The following CRAT variants were observed in gnomAD, a reference collection of about 807,000 sequenced individuals.
CRAT encodes carnitine O-acetyltransferase.
CRAT carries 66 observed loss-of-function variants against 73.7 expected under a neutral mutation model. The observed-to-expected ratio is 0.90, with a 90% confidence interval of 0.73 to 1.10. The LOEUF (loss-of-function observed/expected upper bound fraction) is 1.10. Ranked by LOEUF, CRAT falls within the 50% of genes least tolerant of loss-of-function variation. CRAT has a pLI of 0.00. For missense variants in CRAT, 745 were observed against 846.9 expected (o/e 0.88, Z 1.49); for synonymous variants, 321 against 343.2 (o/e 0.94, Z 0.71).
chr9:129,102,714 G>A (rs920632365), intron 4 of CRAT, 149 bp from the exon 5 acceptor site: 6 of 964,878 alleles, frequency 6.2e-6, no homozygotes, highest in Admixed American at 4.4e-5. Context: ...GGGCTGTGCT[G>A]TGGGCAGGGG....
intron 2 of CRAT, 114 bp from the exon 3 acceptor site, chr9:129,104,420 C>A (rs889745564): frequency 1.2e-5 from 9 of 750,720 alleles, no homozygotes; most frequent in South Asian, 1.8e-5. Flanking sequence ...TATGGAGATT[C>A]TCAAAGTAAA....
In CRAT at chr9:129,103,403, C is replaced by T. The variant is rs1252497490; in HGVS notation, c.411-337G>A. ...CCCACAAAGGGCCTGAGCTCCTGAA[C>T]CTCAGCCTAGAATCTGGAGGGGGTG... On this transcript the variant is annotated intron_variant, in intron 3 of 13. Transcript: ENST00000318080. This position sits in a 1 kb window ranked among gnomAD's most constrained non-coding sequence, Gnocchi z 4.6. Among the ~76,000 whole-genome samples the T allele has an allele frequency of 6.6e-6, 1 of 151,402 alleles. No individual in the cohort carries two copies. The highest frequency in any genetic ancestry group is 6.6e-5 in the Admixed American group (1 of 15,230).
intron 6 of CRAT, among the ~76,000 whole-genome samples, chr9:129,100,953 A>G (rs1213890226): frequency 6.6e-6 from 1 of 152,148 alleles, no homozygotes; most frequent in Non-Finnish European, 1.5e-5. Context: ...TAGACACAGG[A>G]AACCGAAGCC....
At chr9:129,109,153 A>T in intron 1 of CRAT, 1 of 1,304,068 alleles carries the variant, frequency 7.7e-7, no homozygotes, top group Non-Finnish European at 1.0e-6. Flanking sequence ...CCAGGGAGTC[A>T]GGACAAAAGG....
intron 12 of CRAT, 52 bp downstream of exon 12, chr9:129,097,198 C>T (rs1368746759): frequency 1.6e-5 from 24 of 1,462,950 alleles, no homozygotes; most frequent in Non-Finnish European, 2.1e-5. Flanking sequence ...GAGGGACAGA[C>T]AGATGGCTGA....
chr9:129,098,900 G>A (rs1410523959), intron 8 of CRAT, among the ~76,000 whole-genome samples: 7 of 149,664 alleles, frequency 4.7e-5, no homozygotes, highest in Non-Finnish European at 8.9e-5. Flanking sequence ...TGCAACCTTG[G>A]CCTCCCTGGT....
Position 129,107,976 on chromosome 9 carries a change from G to A in CRAT, c.129C>T (p.Leu43=), listed in dbSNP as rs759455832. ...DALPRLPVPP[L]QQSLDHYLKA... is the part of the protein sequence containing the mutation. ...TCAGGTAGTGGTCCAGGGACTGCTG[G>A]AGAGGGGGCACGGGCAGCCGTGGCA... The change falls in exon 2 of 14, where the codon CTC becomes CTT. Residue 43 remains leucine, a synonymous_variant. Transcript: ENST00000318080. This position sits in a 1 kb window ranked among gnomAD's most constrained non-coding sequence, Gnocchi z 5.0. 4 of 1,603,916 alleles carry A rather than the reference G, an allele frequency of 2.5e-6. No individual in the cohort carries two copies. The highest frequency in any genetic ancestry group is 1.7e-5 in the Admixed American group (1 of 59,848).
Position 129,098,362 on chromosome 9 carries a change from C to T in CRAT, c.1215G>A (p.Gln405=). 6.2e-7 allele frequency: 1 copy of T among 1,613,786 alleles called. No individual in the cohort carries two copies. Among genetic ancestry groups the T allele is most frequent in the Non-Finnish European group, 8.5e-7 (1 of 1,180,000 alleles). ...KAKQNLSIMI[Q]DLDITVMVFH... ...ACACCATCACGGTGATATCCAGGTC[C>T]TGGATCATGCTGGGGGTGTGGGAAG... The change falls in exon 10 of 14, where the codon CAG becomes CAA. Residue 405 remains glutamine, a synonymous_variant. Transcript: ENST00000318080.
chr9:129,101,873 C>G lies in CRAT; in HGVS notation c.805+10G>C, dbSNP rs777901756. ...GGGTGTGCAGCCCCAGCACGGCCCCCAAGAGGCACCTTTGATGAGGGTGTT... is the reference window on the plus strand; with the variant it reads ...GGGTGTGCAGCCCCAGCACGGCCCCGAAGAGGCACCTTTGATGAGGGTGTT... On this transcript the variant is annotated intron_variant, in intron 6 of 13. Coordinates refer to ENST00000318080, the MANE Select transcript of CRAT (RefSeq NM_000755.5). 6.2e-7 allele frequency: 1 copy of G among 1,612,824 alleles called. No homozygotes were observed. Among genetic ancestry groups the G allele is most frequent in the Non-Finnish European group, 8.5e-7 (1 of 1,179,462 alleles).
intron 1 of CRAT, chr9:129,109,379 C>T: frequency 1.1e-6 from 1 of 914,944 alleles, no homozygotes; most frequent in East Asian, 6.2e-5. Context: ...TCCAGGACTC[C>T]TGGGACCCAT....
rs1234089275 is a variant in CRAT, at chr9:129,096,023, A to G, written c.1640T>C (p.Met547Thr). 1.2e-6 allele frequency: 2 copies of G among 1,614,018 alleles called. No homozygotes were observed. The highest frequency in any genetic ancestry group is 1.1e-5 in the South Asian group (1 of 91,088). Residue 547 changes from methionine to threonine, a missense_variant, in exon 13 of 14, where the codon ATG (methionine) becomes ACG (threonine). Physicochemically the swap from Met to Thr is moderately conservative, Grantham distance 81. Transcript: ENST00000318080. ...IFMDTSYAIA[M>T]HFHLSTSQVP... ...CTGGCTGGTGGAGAGGTGGAAGTGCATGGCGATGGCGTAGGAGGTGTCCAT... is the reference window on the plus strand; with the variant it reads ...CTGGCTGGTGGAGAGGTGGAAGTGCGTGGCGATGGCGTAGGAGGTGTCCAT...
At chr9:129,102,634 G>GACCA in intron 4 of CRAT, 69 bp from the exon 5 acceptor site, 10 of 1,536,228 alleles carry the variant, frequency 6.5e-6, no homozygotes, top group Non-Finnish European at 9.0e-6. Flanking sequence ...GGTAGACAGG[G>GACCA]ACCTGCTAGG....
At chr9:129,095,923 G>T (rs1847252331) in intron 13 of CRAT, 75 bp downstream of exon 13, 5 of 1,585,872 alleles carry the variant, frequency 3.2e-6, no homozygotes, top group African/African-American at 1.3e-5. Context: ...GGTCAGTGGG[G>T]CCTGTGTAGG....
chr9:129,102,684 C>T (rs977139930), intron 4 of CRAT, 119 bp from the exon 5 acceptor site: 9 of 1,171,312 alleles, frequency 7.7e-6, no homozygotes, highest in Non-Finnish European at 1.1e-5. Context: ...CTCCCACTCC[C>T]AGATGAGCAG....
At chr9:129,096,299 A>G in intron 12 of CRAT, 164 bp from the exon 13 acceptor site, 1 of 941,924 alleles carries the variant, frequency 1.1e-6, no homozygotes, top group Non-Finnish European at 1.6e-6. Context: ...AGATGGGGAA[A>G]CCAAGGCTCA....
rs1848014452 is a variant in CRAT, at chr9:129,106,366, G to T, written c.291+1448C>A. ...GCAGACAGGAGCTTCCTTCCCTTGGGGAAACAGCCAGGGGCCTGTACTCCA... is the reference window on the plus strand; with the variant it reads ...GCAGACAGGAGCTTCCTTCCCTTGGTGAAACAGCCAGGGGCCTGTACTCCA... On this transcript the variant is annotated intron_variant, in intron 2 of 13. Transcript: ENST00000318080. The surrounding 1 kb of genome is among the most constrained non-coding windows in gnomAD (Gnocchi z 4.0). Among the ~76,000 whole-genome samples, 1 of 152,148 alleles carries T rather than the reference G, an allele frequency of 6.6e-6. No homozygotes were observed. The highest frequency in any genetic ancestry group is 6.5e-5 in the Admixed American group (1 of 15,276).
rs1353527918 is a variant in CRAT at position 129,110,510 on chromosome 9, C to G, written c.-1G>C. The G allele has an allele frequency of 6.3e-7, 1 of 1,577,924 alleles. No individual in the cohort carries two copies. Among genetic ancestry groups the G allele is most frequent in the African/African-American group, 1.4e-5 (1 of 71,822 alleles). ...CGGTCCTGGCAGCGAAGGCTAACATCTTCGCTGCCCGTCCGCGGACACGCA... is the reference window on the plus strand; with the variant it reads ...CGGTCCTGGCAGCGAAGGCTAACATGTTCGCTGCCCGTCCGCGGACACGCA... On this transcript the variant is annotated 5_prime_UTR_variant, in exon 1 of 14. Coordinates refer to ENST00000318080, the MANE Select transcript of CRAT (RefSeq NM_000755.5). The surrounding 1 kb of genome is among the most constrained non-coding windows in gnomAD (Gnocchi z 5.3).
At chr9:129,097,645 G>T (rs1847364856) in intron 11 of CRAT, among the ~76,000 whole-genome samples, 1 of 151,786 alleles carries the variant, frequency 6.6e-6, no homozygotes, top group Non-Finnish European at 1.5e-5. Flanking sequence ...GGAGGTGGAG[G>T]TTGCAGTGAG....
intron 3 of CRAT, 78 bp downstream of exon 3, chr9:129,104,110 G>T: frequency 9.6e-7 from 1 of 1,042,468 alleles, no homozygotes; most frequent in Non-Finnish European, 1.4e-6. Flanking sequence ...AAACAGGGTC[G>T]GGGCCCCTCC....
Sources: gnomAD v4.1 joint callset for allele counts (sites outside exome capture counted in the v4.1 genomes callset) on GRCh38, gnomAD v4.1.1 for gene constraint, Gnocchi (gnomAD v3.1) non-coding constraint, MANE v1.5 for transcripts, NCBI Gene and HGNC (gene_info 2026-07-23, HGNC 2026-07-21) for gene names.